Variants in IL22RA2 observed in about 807,000 individuals in gnomAD.
The protein encoded by IL22RA2 is interleukin 22 receptor subunit alpha 2.
A neutral mutation model predicts 30.7 loss-of-function variants in IL22RA2; 39 were observed. The ratio of observed to expected loss-of-function variants is 1.27; its 90% confidence interval spans 0.98 to 1.66. The LOEUF (loss-of-function observed/expected upper bound fraction) is 1.66, where lower values mean the gene tolerates loss of function less well. Among genes scored for constraint, IL22RA2 ranks in the 40% most tolerant of loss-of-function variants. IL22RA2 has a pLI of 0.00. For missense variants in IL22RA2, 315 were observed against 312.7 expected, an observed-to-expected ratio of 1.01 and a Z score of -0.05; for synonymous variants, 103 against 105.0, an observed-to-expected ratio of 0.98 and a Z score of 0.11.
intron 1 of IL22RA2, among the ~76,000 whole-genome samples, chr6:137,162,695 A>G (rs888700831): frequency 2.0e-5 from 3 of 152,178 alleles, no homozygotes; most frequent in Non-Finnish European, 2.9e-5. Context: ...GTCATGTTCC[A>G]TAGTGAACAG....
chr6:137,164,809 G>A (rs1192055718), intron 1 of IL22RA2, among the ~76,000 whole-genome samples: 2 of 152,196 alleles, frequency 1.3e-5, no homozygotes, highest in African/African-American at 2.4e-5. Flanking sequence ...GAAGTCCAAG[G>A]GGGAGAACAG....
chr6:137,153,700 C>T (rs1027848291), intron 5 of IL22RA2, among the ~76,000 whole-genome samples: 1 of 152,106 alleles, frequency 6.6e-6, no homozygotes. Flanking sequence ...ATTTTCAAGG[C>T]ATAATATAGT....
chr6:137,167,833 C>T (rs1020532211), intron 1 of IL22RA2, among the ~76,000 whole-genome samples: 16 of 152,172 alleles, frequency 1.1e-4, no homozygotes, highest in Admixed American at 4.6e-4. Context: ...GGTTGGTCCA[C>T]GCACGGCTGA....
At chr6:137,172,598 G>A (rs975108219) in intron 1 of IL22RA2, among the ~76,000 whole-genome samples, 5 of 152,236 alleles carry the variant, frequency 3.3e-5, no homozygotes, top group African/African-American at 1.2e-4. Context: ...TCTCCGCTCT[G>A]CCTCCTTTCA....
chr6:137,171,517 G>A (rs1778733402), intron 1 of IL22RA2, among the ~76,000 whole-genome samples: 1 of 152,190 alleles, frequency 6.6e-6, no homozygotes, highest in South Asian at 2.1e-4. Flanking sequence ...CAAAGAGAAA[G>A]GGAAGAATGG....
At chr6:137,161,642 C>A in intron 2 of IL22RA2, 47 bp downstream of exon 2, 4 of 1,499,054 alleles carry the variant, frequency 2.7e-6, no homozygotes, top group Non-Finnish European at 3.7e-6. Context: ...CTTGATTGGA[C>A]TCAGATGACA....
chr6:137,147,958 A>T, intron 5 of IL22RA2, 67 bp from the exon 6 acceptor site: 2 of 1,405,216 alleles, frequency 1.4e-6, no homozygotes, highest in Non-Finnish European at 2.0e-6. Context: ...CGCATTATGT[A>T]TAATGACAAA....
intron 2 of IL22RA2, among the ~76,000 whole-genome samples, chr6:137,160,385 C>A (rs1465870835): frequency 6.6e-6 from 1 of 152,182 alleles, no homozygotes; most frequent in Non-Finnish European, 1.5e-5. Flanking sequence ...CTCTTACAGA[C>A]TGAAAAAACG....
rs116463167 is a variant in IL22RA2, at chr6:137,155,116, A to G, written c.297T>C (p.Tyr99=). Residue 99 remains tyrosine (Y), a synonymous_variant, in exon 5 of 7, where the codon TAT becomes TAC. Coordinates refer to ENST00000296980, the MANE Select transcript of IL22RA2 (RefSeq NM_052962.3). ...CTTTATTTTTCCATTGTCTCTGTCC[A>G]TATCTGTAGCAGGGAAAAGGCAAAG... ...NFPGCRTLAK[Y]GQRQWKNKED... 873 of 1,548,782 alleles carry G rather than the reference A, an allele frequency of 5.6e-4. 3 individuals carry two copies. The African/African-American group carries it at 8.9e-3, about 16-fold the overall frequency.
At chr6:137,146,228 C>T (rs1188452074) in intron 6 of IL22RA2, among the ~76,000 whole-genome samples, 1 of 152,082 alleles carries the variant, frequency 6.6e-6, no homozygotes, top group South Asian at 2.1e-4. Context: ...GATGGAGTTT[C>T]ACCATGTTGA....
intron 2 of IL22RA2, among the ~76,000 whole-genome samples, chr6:137,158,985 T>A (rs1355170225): frequency 6.6e-6 from 1 of 152,210 alleles, no homozygotes; most frequent in African/African-American, 2.4e-5. Context: ...CAGGTAGGTC[T>A]GCCTTTGCTG....
chr6:137,169,248 C>T (rs1022996997), intron 1 of IL22RA2, among the ~76,000 whole-genome samples: 4 of 152,238 alleles, frequency 2.6e-5, no homozygotes, highest in African/African-American at 9.6e-5. Flanking sequence ...GAACAGAACA[C>T]AATGGAGAAG....
In IL22RA2 at chr6:137,158,484, T is replaced by C. The variant is rs776612446; in HGVS notation, c.62-2A>G. The C allele has an allele frequency of 3.1e-6, 5 of 1,613,910 alleles. No individual in the cohort carries two copies. In the South Asian group the frequency reaches 5.5e-5, roughly 18 times the overall value. The stretch of plus-strand genomic sequence containing the variant: ...GAGACTCATGCGTTGACTGAGTTCC[T>C]AAGATAATAAGAGAAGGAAGAACAT... On this transcript the variant is annotated splice_acceptor_variant, in intron 2 of 6. Transcript: ENST00000296980. LOFTEE classifies it high-confidence loss of function.
intron 5 of IL22RA2, 80 bp downstream of exon 5, chr6:137,154,861 A>G (rs1030876034): frequency 9.2e-6 from 11 of 1,198,278 alleles, no homozygotes; most frequent in African/African-American, 3.0e-5. Context: ...GCAAAGCACA[A>G]GGCCTAGTCA....
chr6:137,149,909 C>T (rs1482366753), intron 5 of IL22RA2, among the ~76,000 whole-genome samples: 2 of 152,114 alleles, frequency 1.3e-5, no homozygotes, highest in African/African-American at 2.4e-5. Context: ...CTATTCTTTG[C>T]CTCAAGTGAT....
In IL22RA2 at chr6:137,158,406, T is replaced by A; in HGVS notation, c.138A>T (p.Gln46His). Residue 46 changes from glutamine (Q) to histidine (H), a missense_variant, in exon 3 of 7, where the codon CAA (glutamine) becomes CAT (histidine). By Grantham distance (24) the Gln-to-His change is conservative (BLOSUM62 0). Transcript: ENST00000296980. ...CAGTAAGTGCCCTCCCAGGCTGCCA[T>A]TGCAAAATGTTGTGAAAATTTCGGG... ...FQSRNFHNIL[Q>H]WQPGRALTGN... 6.2e-7 allele frequency: 1 copy of A among 1,614,150 alleles called. No homozygotes were observed. Among genetic ancestry groups the A allele is most frequent in the Non-Finnish European group, 8.5e-7 (1 of 1,179,990 alleles).
intron 3 of IL22RA2, 56 bp from the exon 4 acceptor site, chr6:137,156,910 A>T: frequency 1.3e-6 from 2 of 1,577,122 alleles, no homozygotes; most frequent in Admixed American, 1.7e-5. Flanking sequence ...CTCAAGGGGC[A>T]TCCTGGCTTT....
intron 5 of IL22RA2, among the ~76,000 whole-genome samples, chr6:137,153,889 A>G (rs1336482072): frequency 6.6e-6 from 1 of 152,212 alleles, no homozygotes; most frequent in Non-Finnish European, 1.5e-5. Context: ...AAGAAAGTGA[A>G]TGTTGAGTTT....
rs11313927 is a variant in IL22RA2, at chr6:137,147,186, CAAAAAAAA to C, written c.642+528_642+535del. ...GCAACATAGTGAGACCTTGCCTCTACAAAAAAAAAAAAAAAAAAAAAAAAAAAAAAGCT... is the reference window on the plus strand; with the variant it reads ...GCAACATAGTGAGACCTTGCCTCTACAAAAAAAAAAAAAAAAAAAAAAGCT... On this transcript the variant is annotated intron_variant, in intron 6 of 6. Coordinates refer to ENST00000296980, the MANE Select transcript of IL22RA2 (RefSeq NM_052962.3). 5.6e-5 allele frequency among the ~76,000 whole-genome samples: 4 copies of C among 70,868 alleles called. No homozygotes were observed. The South Asian group carries it at 1.1e-3, about 20-fold the overall frequency. The allele number at this position is 70,868 out of a possible 152,430, so 46.5% of individuals were successfully genotyped here.
Sources: allele counts gnomAD v4.1 joint callset (sites outside exome capture counted in the v4.1 genomes callset), GRCh38; gene constraint gnomAD v4.1.1; transcripts MANE v1.5; gene names NCBI Gene and HGNC (gene_info 2026-07-23, HGNC 2026-07-21).